The following LRRC7 variants were observed in gnomAD, a reference collection of about 807,000 sequenced individuals.
The protein encoded by LRRC7 is leucine rich repeat containing 7.
LRRC7 carries 23 observed loss-of-function variants against 175.7 expected under a neutral mutation model. The ratio of observed to expected loss-of-function variants is 0.13; its 90% CI spans 0.09 to 0.19. The LOEUF is 0.19. LRRC7 is among the 10% of genes least tolerant of loss of function. The pLI is 1.00. For missense variants in LRRC7, 1,354 were observed against 1,904.7 expected, an observed-to-expected ratio of 0.71 and a Z score of 5.38; for synonymous variants, 685 against 680.9, an observed-to-expected ratio of 1.01 and a Z score of -0.09.
At chr1:69,825,570 A>C (rs1288184265) in intron 4 of LRRC7, among the ~76,000 whole-genome samples, 178 bp from the exon 5 acceptor site, 1 of 151,944 alleles carries the variant, frequency 6.6e-6, no homozygotes, top group East Asian at 1.9e-4. Context: ...AATTATGTAT[A>C]TATGATTAAT....
At chr1:69,710,003 T>G (rs2100729582) in intron 2 of LRRC7, among the ~76,000 whole-genome samples, 1 of 151,846 alleles carries the variant, frequency 6.6e-6, no homozygotes, top group East Asian at 1.9e-4. Context: ...AGTCAACCGG[T>G]GTGGTGTCTT....
chr1:70,051,440 T>A (rs1207528363), intron 22 of LRRC7, among the ~76,000 whole-genome samples: 1 of 152,062 alleles, frequency 6.6e-6, no homozygotes, highest in East Asian at 1.9e-4. Flanking sequence ...CATATTTTAA[T>A]ATCTAGAAAA....
intron 3 of LRRC7, among the ~76,000 whole-genome samples, chr1:69,777,568 T>C (rs1439847100): frequency 1.3e-5 from 2 of 152,192 alleles, no homozygotes; most frequent in African/African-American, 4.8e-5. Context: ...TACTTGAATA[T>C]TCACACTCAG....
chr1:69,953,291 C>T (rs1650140479), intron 8 of LRRC7, among the ~76,000 whole-genome samples: 1 of 152,046 alleles, frequency 6.6e-6, no homozygotes. Context: ...CAACTCTATG[C>T]TATAGTTTGT....
chr1:69,805,466 C>A (rs886451929), intron 4 of LRRC7, among the ~76,000 whole-genome samples: 2 of 151,802 alleles, frequency 1.3e-5, no homozygotes, highest in East Asian at 1.9e-4. Context: ...TAAATGTGTT[C>A]TCTGGTGTTT....
At chr1:69,742,955 C>T (rs1668868766) in intron 2 of LRRC7, among the ~76,000 whole-genome samples, 1 of 151,960 alleles carries the variant, frequency 6.6e-6, no homozygotes, top group African/African-American at 2.4e-5. Flanking sequence ...GTTGTCTGGT[C>T]ATGTTTATTA....
chr1:69,978,949 A>C (rs1653120727), intron 8 of LRRC7, among the ~76,000 whole-genome samples: 1 of 150,696 alleles, frequency 6.6e-6, no homozygotes, highest in African/African-American at 2.4e-5. Context: ...AAAAAAAAAA[A>C]AACAGAAAAT....
At chr1:69,633,437 T>C (rs1652825090) in intron 1 of LRRC7, among the ~76,000 whole-genome samples, 1 of 152,026 alleles carries the variant, frequency 6.6e-6, no homozygotes, top group Non-Finnish European at 1.5e-5. Context: ...TATTTATTTA[T>C]TTAATTTTTG....
intron 7 of LRRC7, among the ~76,000 whole-genome samples, chr1:69,913,797 G>A (rs1343554193): frequency 6.6e-6 from 1 of 152,182 alleles, no homozygotes; most frequent in Non-Finnish European, 1.5e-5. Flanking sequence ...ACTGATGTGA[G>A]CCACTGTGCT....
intron 1 of LRRC7, among the ~76,000 whole-genome samples, chr1:69,597,874 G>T (rs922011148): frequency 1.3e-5 from 2 of 152,130 alleles, no homozygotes; most frequent in Non-Finnish European, 2.9e-5. Context: ...TTTGCAGTTT[G>T]CACCTTTCCA....
At chr1:70,008,449 T>C (rs1341863235) in intron 11 of LRRC7, among the ~76,000 whole-genome samples, 2 of 152,212 alleles carry the variant, frequency 1.3e-5, no homozygotes, top group African/African-American at 4.8e-5. Flanking sequence ...GCATATTACT[T>C]ATTGTCACTT....
At chr1:69,948,529 G>A (rs1446626686) in intron 8 of LRRC7, among the ~76,000 whole-genome samples, 1 of 152,096 alleles carries the variant, frequency 6.6e-6, no homozygotes, top group African/African-American at 2.4e-5. Flanking sequence ...TATTGTCTAT[G>A]GTGAGTGAGC....
intron 3 of LRRC7, among the ~76,000 whole-genome samples, chr1:69,785,872 C>T (rs952482913): frequency 5.9e-5 from 9 of 152,100 alleles, no homozygotes; most frequent in African/African-American, 2.2e-4. Flanking sequence ...TTATTTTCTA[C>T]GGTTTCCCAA....
intron 1 of LRRC7, among the ~76,000 whole-genome samples, chr1:69,599,076 T>C (rs140960904): frequency 6.6e-6 from 1 of 152,122 alleles, no homozygotes; most frequent in African/African-American, 2.4e-5. Context: ...AAACAGCATG[T>C]ATGTGTACCA....
At chr1:69,846,743 G>A (rs1178629082) in intron 7 of LRRC7, among the ~76,000 whole-genome samples, 1 of 151,762 alleles carries the variant, frequency 6.6e-6, no homozygotes, top group African/African-American at 2.4e-5. Context: ...ATGAAAATAA[G>A]GCTTATTATC....
At chr1:69,829,661 A>T (rs1367139729) in intron 5 of LRRC7, among the ~76,000 whole-genome samples, 1 of 151,862 alleles carries the variant, frequency 6.6e-6, no homozygotes, top group Non-Finnish European at 1.5e-5. Context: ...TAAAACATAT[A>T]TATTCTTTGA....
At chr1:70,057,073 G>A (rs189113252) in intron 23 of LRRC7, among the ~76,000 whole-genome samples, 3 of 152,202 alleles carry the variant, frequency 2.0e-5, no homozygotes, top group Admixed American at 6.5e-5. Flanking sequence ...AAGAAGTAAT[G>A]TACTAAATGT....
At chr1:70,103,234 G>GAA (rs55743529) in intron 25 of LRRC7, among the ~76,000 whole-genome samples, 10,738 of 129,202 alleles carry the variant, frequency 0.083, 479 homozygotes, top group South Asian at 0.2. Context: ...GTCTCAAAAA[G>GAA]AAAAAAAAAA....
chr1:69,868,807 T>C (rs560648388), intron 7 of LRRC7, among the ~76,000 whole-genome samples: 1 of 152,182 alleles, frequency 6.6e-6, no homozygotes, highest in South Asian at 2.1e-4. Context: ...GGTTGGTTTC[T>C]TCTGAAGGCG....
Sources: gnomAD v4.1 joint callset for allele counts (sites outside exome capture counted in the v4.1 genomes callset) on GRCh38, gnomAD v4.1.1 for gene constraint, MANE v1.5 for transcripts, NCBI Gene and HGNC (gene_info 2026-07-23, HGNC 2026-07-21) for gene names.